Variants in RNF144A observed in about 807,000 individuals in gnomAD.
The protein encoded by RNF144A is E3 ubiquitin-protein ligase RNF144A.
RNF144A carries 11 observed loss-of-function variants against 38.7 expected under a neutral mutation model. That is an observed-to-expected ratio of 0.28 (90% CI 0.18 to 0.47). The LOEUF (loss-of-function observed/expected upper bound fraction) is 0.47, where lower values mean the gene tolerates loss of function less well. Among genes scored for constraint, RNF144A ranks in the 20% least tolerant of loss-of-function variants. RNF144A has a pLI of 0.99. For missense variants in RNF144A, 316 were observed against 377.2 expected (o/e 0.84, Z 1.34); for synonymous variants, 149 against 143.9 (o/e 1.04, Z -0.25).
intron 3 of RNF144A, among the ~76,000 whole-genome samples, chr2:6,997,944 C>T (rs181724241): frequency 6.6e-5 from 10 of 152,216 alleles, no homozygotes; most frequent in Non-Finnish European, 1.2e-4. Flanking sequence ...TAAGTATTCT[C>T]ACCACACACA....
In RNF144A at chr2:7,015,521, C is replaced by T. The variant is rs574734061; in HGVS notation, c.301+749C>T. Among the ~76,000 whole-genome samples the T allele has an allele frequency of 5.3e-5, 8 of 152,272 alleles. No homozygotes were observed. In the South Asian group the frequency reaches 1.2e-3, roughly 24 times the overall value. On this transcript the variant is annotated intron_variant, in intron 5 of 8. Coordinates refer to ENST00000320892, the MANE Select transcript of RNF144A (RefSeq NM_014746.6). ...CTGGGAGAGCAGTGTGGCAGGTGCA[C>T]ACAGAGCAGAACATGATTCTCAGGA...
At position 6,943,004 on chromosome 2, in the gene RNF144A, A is replaced by C. The variant is rs1572233829; in HGVS notation, c.-12+1857A>C. ...CATCTCAATTTGAAAAAGAGATTCA[A>C]AGTTCAGTTTTGAACTTGCTGAGTG... On this transcript the variant is annotated intron_variant, in intron 2 of 8. Transcript: ENST00000320892. This position sits in a 1 kb window ranked among gnomAD's most constrained non-coding sequence, Gnocchi z 4.3. Among the ~76,000 whole-genome samples the C allele has an allele frequency of 6.6e-6, 1 of 152,152 alleles. No homozygotes were observed. Among genetic ancestry groups the C allele is most frequent in the Non-Finnish European group, 1.5e-5 (1 of 68,026 alleles).
chr2:7,045,351 T>G (rs1484481064), downstream of RNF144A, among the ~76,000 whole-genome samples: 1 of 152,136 alleles, frequency 6.6e-6, no homozygotes, highest in Non-Finnish European at 1.5e-5. Context: ...TTTACTGTCT[T>G]CCAGGTCTGG....
At chr2:6,991,707 A>G (rs1047814609) in intron 2 of RNF144A, among the ~76,000 whole-genome samples, 1 of 152,220 alleles carries the variant, frequency 6.6e-6, no homozygotes, top group African/African-American at 2.4e-5. Flanking sequence ...GAAATGAAGT[A>G]GTATATGCAA....
At chr2:6,971,854 G>A (rs954008237) in intron 2 of RNF144A, among the ~76,000 whole-genome samples, 33 of 152,138 alleles carry the variant, frequency 2.2e-4, no homozygotes, top group African/African-American at 7.7e-4. Context: ...TTTCTCTACT[G>A]TGGGATAAGA....
intron 2 of RNF144A, 71 bp from the exon 3 acceptor site, chr2:6,996,845 A>T (rs922802678): frequency 2.7e-4 from 409 of 1,508,410 alleles, no homozygotes; most frequent in Non-Finnish European, 3.5e-4. Context: ...TACAGCCAGG[A>T]GAACCTTGCC....
At chr2:7,020,796 AAC>A (rs1362694163) in intron 6 of RNF144A, 116 bp downstream of exon 6, 2 of 835,952 alleles carry the variant, frequency 2.4e-6, no homozygotes, top group Non-Finnish European at 3.9e-6. Context: ...AGTCAACCCT[AAC>A]ACACACTGTA....
chr2:7,067,332 C>G (rs576573626), intron 6 of RNF144A, among the ~76,000 whole-genome samples: 1 of 152,266 alleles, frequency 6.6e-6, no homozygotes, highest in African/African-American at 2.4e-5. Flanking sequence ...AAAGCTGAAG[C>G]TGGAGGACTT....
Position 7,043,303 on chromosome 2 carries a change from G to A in RNF144A, c.*3543G>A. 2.0e-6 allele frequency: 2 copies of A among 985,244 alleles called. No individual in the cohort carries two copies. Among genetic ancestry groups the A allele is most frequent in the East Asian group, 1.1e-4 (1 of 8,814 alleles). The allele number at this position is 985,244 out of a possible 1,614,324, so 61.0% of individuals were successfully genotyped here. A position where few individuals can be genotyped will look rare whatever the true frequency, so the allele number is the denominator to read the frequency against. On this transcript the variant is annotated 3_prime_UTR_variant, in exon 9 of 9. Coordinates refer to ENST00000320892, the MANE Select transcript of RNF144A (RefSeq NM_014746.6). Reference sequence around the variant, plus strand: ...AGAGATGCAAAAATTACTTCAAGATGAGTTTATTGTTTTCATTTGTATTGC... The same window carrying A: ...AGAGATGCAAAAATTACTTCAAGATAAGTTTATTGTTTTCATTTGTATTGC...
the RNF144A span, among the ~76,000 whole-genome samples, chr2:7,075,209 T>C: frequency 6.6e-6 from 1 of 151,974 alleles, no homozygotes; most frequent in Non-Finnish European, 1.5e-5. Context: ...ACCAGAATCA[T>C]CAGGAGGCAT....
chr2:7,074,416 A>C, the RNF144A span: 2 of 152,230 alleles, frequency 1.3e-5, no homozygotes, highest in African/African-American at 2.4e-5. Context: ...TTAATATACA[A>C]TCATGCAAAT....
intron 3 of RNF144A, among the ~76,000 whole-genome samples, chr2:7,006,104 G>A (rs534854713): frequency 6.6e-6 from 1 of 151,518 alleles, no homozygotes; most frequent in African/African-American, 2.4e-5. Context: ...TCTAAAGCCC[G>A]GATCCCAACA....
intron 7 of RNF144A, among the ~76,000 whole-genome samples, chr2:7,027,169 G>A (rs1040026919): frequency 1.3e-5 from 2 of 152,048 alleles, no homozygotes; most frequent in African/African-American, 4.8e-5. Flanking sequence ...ATTTCAGACC[G>A]CCTCCTCCCC....
chr2:6,969,443 T>C (rs1667865591), intron 2 of RNF144A, among the ~76,000 whole-genome samples: 1 of 151,966 alleles, frequency 6.6e-6, no homozygotes, highest in Non-Finnish European at 1.5e-5. Context: ...AGCAGATCCT[T>C]CCTCCCAGCC....
intron 6 of RNF144A, among the ~76,000 whole-genome samples, chr2:7,050,976 G>A (rs775956066): frequency 7.9e-5 from 12 of 152,218 alleles, no homozygotes; most frequent in Non-Finnish European, 1.8e-4. Context: ...GGCTTGGACT[G>A]AAGTTTAGAT....
chr2:7,030,083 A>G, intron 7 of RNF144A, 43 bp from the exon 8 acceptor site: 1 of 1,369,156 alleles, frequency 7.3e-7, no homozygotes, highest in Non-Finnish European at 1.0e-6. Flanking sequence ...CGAACTGAGC[A>G]GGAACCACTC....
chr2:6,960,136 G>T (rs945539409), intron 2 of RNF144A, among the ~76,000 whole-genome samples: 6 of 152,238 alleles, frequency 3.9e-5, no homozygotes, highest in Non-Finnish European at 7.3e-5. Flanking sequence ...GAAAACTAAA[G>T]GGAAACATGG....
Position 6,949,408 on chromosome 2 carries a change from C to CT in RNF144A, c.-12+8274dup, listed in dbSNP as rs547352057. ...CCCCTCCCCTCCCCTTCCTTTCCTT[C>CT]TTTTTTTTTTTTTAAGGAAATCAAG... On this transcript the variant is annotated intron_variant, in intron 2 of 8. Transcript: ENST00000320892. Among the ~76,000 whole-genome samples, 464 of 130,372 alleles carry CT rather than the reference C, an allele frequency of 3.6e-3. 1 individual carries two copies. The highest frequency in any genetic ancestry group is 8.3e-3 in the African/African-American group (304 of 36,632). 85.5% of individuals were successfully genotyped at this position (130,372 alleles called of 152,430 possible).
intron 8 of RNF144A, among the ~76,000 whole-genome samples, chr2:7,033,210 G>A (rs888482971): frequency 2.0e-5 from 3 of 152,374 alleles, no homozygotes; most frequent in African/African-American, 7.2e-5. Context: ...GGAATCTGTG[G>A]TGTGAACAGG....
Sources: allele counts gnomAD v4.1 joint callset (sites outside exome capture counted in the v4.1 genomes callset), GRCh38; gene constraint gnomAD v4.1.1; non-coding constraint Gnocchi (gnomAD v3.1); transcripts MANE v1.5; gene names NCBI Gene and HGNC (gene_info 2026-07-23, HGNC 2026-07-21).